CD59: variants seen among roughly 807,000 people sequenced by gnomAD.
CD59 encodes CD59 molecule (CD59 blood group).
Under a neutral mutation model 7.0 loss-of-function variants are expected in CD59, and 3 were observed. That is an observed-to-expected ratio of 0.43 (90% CI 0.19 to 1.10). The LOEUF is 1.10. Ranked by LOEUF, CD59 falls within the 50% of genes least tolerant of loss-of-function variation. CD59 has a pLI of 0.29. For missense variants in CD59, 143 were observed against 151.0 expected, an observed-to-expected ratio of 0.95 and a Z score of 0.28; for synonymous variants, 60 against 62.0, an observed-to-expected ratio of 0.97 and a Z score of 0.15.
chr11:33,719,836 G>A (rs999277956), intron 2 of CD59, among the ~76,000 whole-genome samples: 4 of 152,200 alleles, frequency 2.6e-5, no homozygotes, highest in Non-Finnish European at 4.4e-5. Context: ...TGTCATGCCC[G>A]TGTGAGAGGG....
chr11:33,706,582 A>C lies in CD59; in HGVS notation c.*3544T>G, dbSNP rs1158533279. The C allele has an allele frequency of 1.3e-5, 2 of 151,576 alleles. No homozygotes were observed. The highest frequency in any genetic ancestry group is 4.8e-5 in the African/African-American group (2 of 41,306). The allele number at this position is 151,576 out of a possible 1,614,324, so 9.4% of individuals were successfully genotyped here. On this transcript the variant is annotated 3_prime_UTR_variant, in exon 4 of 4. Transcript: ENST00000642928. ...AAAAAAAAAAAAAAAACTTGTCCAG[A>C]GACATAGCCAATTAGTGGAAGAGGG...
chr11:33,726,391 CA>C (rs1854260941), intron 1 of CD59, among the ~76,000 whole-genome samples: 1 of 152,182 alleles, frequency 6.6e-6, no homozygotes, highest in Non-Finnish European at 1.5e-5. Flanking sequence ...CAAAACCGCA[CA>C]ACTACATGGA....
intron 1 of CD59, among the ~76,000 whole-genome samples, chr11:33,729,697 G>A (rs974398113): frequency 4.2e-5 from 6 of 144,440 alleles, no homozygotes; most frequent in African/African-American, 8.0e-5. Context: ...CCGTATCTCC[G>A]AGAAAAAAAA....
At chr11:33,723,336 C>T (rs1340161281) in intron 1 of CD59, among the ~76,000 whole-genome samples, 1 of 152,154 alleles carries the variant, frequency 6.6e-6, no homozygotes, top group Non-Finnish European at 1.5e-5. Flanking sequence ...GTCAGAAATG[C>T]AGAGTTCCCT....
intron 2 of CD59, 64 bp downstream of exon 2, chr11:33,722,315 G>C (rs1564975440): frequency 4.2e-6 from 5 of 1,204,494 alleles, no homozygotes; most frequent in Non-Finnish European, 6.2e-6. Flanking sequence ...CTGAAACTGA[G>C]GCTTAAGAAG....
Position 33,722,371 on chromosome 11 carries a change from G to A in CD59, c.67+8C>T. On this transcript the variant is annotated splice_region_variant and intron_variant, in intron 2 of 3. Transcript: ENST00000642928. Reference sequence around the variant, plus strand: ...CCTAGATCCATGTCCTGAGACTGGAGCACTCACCTGAATGGCAGAAGACAG... The same window carrying A: ...CCTAGATCCATGTCCTGAGACTGGAACACTCACCTGAATGGCAGAAGACAG... 1.3e-6 allele frequency: 2 copies of A among 1,598,376 alleles called. No individual in the cohort carries two copies. Among genetic ancestry groups the A allele is most frequent in the Non-Finnish European group, 1.7e-6 (2 of 1,165,620 alleles).
chr11:33,713,586 A>G (rs2133533698), intron 3 of CD59, among the ~76,000 whole-genome samples: 1 of 152,358 alleles, frequency 6.6e-6, no homozygotes, highest in South Asian at 2.1e-4. Context: ...ATATTGTACT[A>G]GAGGCTGCTG....
chr11:33,722,633 T>TG (rs1174750153), intron 1 of CD59, 170 bp from the exon 2 acceptor site: 48 of 1,466,336 alleles, frequency 3.3e-5, no homozygotes, highest in Non-Finnish European at 4.4e-5. Flanking sequence ...CAGCACCATA[T>TG]ACCCTTGAGT....
rs749566382 is a variant in CD59, at chr11:33,710,361, CA to C, written c.170-19del. On this transcript the variant is annotated intron_variant, in intron 3 of 3. Transcript: ENST00000642928. ...TTGTAACCCTGTGGGGAGACACACA[CA>C]AGGGTAAGAAAGTAAGTGGGAAGAG... The C allele has an allele frequency of 3.8e-6, 6 of 1,588,382 alleles. No individual in the cohort carries two copies. The highest frequency in any genetic ancestry group is 5.2e-6 in the Non-Finnish European group (6 of 1,156,468).
At chr11:33,713,610 G>A (rs899754621) in intron 3 of CD59, among the ~76,000 whole-genome samples, 3 of 152,180 alleles carry the variant, frequency 2.0e-5, no homozygotes, top group African/African-American at 7.2e-5. Context: ...ATTCAGACAA[G>A]TTACTGCTTT....
At position 33,705,574 on chromosome 11, in the gene CD59, G is replaced by A. The variant is rs993932576; in HGVS notation, c.*4552C>T. On this transcript the variant is annotated 3_prime_UTR_variant, in exon 4 of 4. Transcript: ENST00000642928. ...AGTGGGTTGGTTGCCAGGGGCTCTT[G>A]GGCCTTTGGCCACAGACTGAAGGCT... The A allele has an allele frequency of 6.6e-6, 1 of 152,242 alleles. No homozygotes were observed. The highest frequency in any genetic ancestry group is 2.4e-5 in the African/African-American group (1 of 41,410). 9.4% of individuals were successfully genotyped at this position (152,242 alleles called of 1,614,324 possible). A position where few individuals can be genotyped will look rare whatever the true frequency, so the allele number is the denominator to read the frequency against.
intron 3 of CD59, among the ~76,000 whole-genome samples, chr11:33,716,572 C>A (rs1007131041): frequency 6.6e-6 from 1 of 152,228 alleles, no homozygotes; most frequent in Admixed American, 6.5e-5. Context: ...CAGAACCACA[C>A]CCCAGCAAGA....
chr11:33,706,351 G>C lies in CD59; in HGVS notation c.*3775C>G, dbSNP rs971287872. ...AAGTAATTTGAAAAAGAGACTTCTG[G>C]CTAGTTTTCACTTATGTCCAAGTCA... On this transcript the variant is annotated 3_prime_UTR_variant, in exon 4 of 4. Coordinates refer to ENST00000642928, the MANE Select transcript of CD59 (RefSeq NM_000611.6). The C allele has an allele frequency of 6.6e-6, 1 of 152,090 alleles. No homozygotes were observed. Among genetic ancestry groups the C allele is most frequent in the African/African-American group, 2.4e-5 (1 of 41,406 alleles). The allele number at this position is 152,090 out of a possible 1,614,324, so 9.4% of individuals were successfully genotyped here.
chr11:33,735,257 G>A (rs896991931), intron 1 of CD59, among the ~76,000 whole-genome samples: 2 of 152,298 alleles, frequency 1.3e-5, no homozygotes, highest in Non-Finnish European at 2.9e-5. Flanking sequence ...AGCAGCCGCC[G>A]CGTTTGTGCT....
At chr11:33,732,209 T>A (rs1050051500) in intron 1 of CD59, among the ~76,000 whole-genome samples, 8 of 151,900 alleles carry the variant, frequency 5.3e-5, no homozygotes, top group Non-Finnish European at 1.0e-4. Flanking sequence ...GAAAATGGAC[T>A]AATACACCTC....
At chr11:33,728,892 G>A (rs1854333626) in intron 1 of CD59, among the ~76,000 whole-genome samples, 1 of 152,230 alleles carries the variant, frequency 6.6e-6, no homozygotes, top group Admixed American at 6.5e-5. Context: ...AGACATTTAT[G>A]CAGCCAACAA....
At position 33,705,313 on chromosome 11, in the gene CD59, T is replaced by G. The variant is rs1853266256; in HGVS notation, c.*4813A>C. 1 of 152,248 alleles carries G rather than the reference T, an allele frequency of 6.6e-6. No homozygotes were observed. The highest frequency in any genetic ancestry group is 2.4e-5 in the African/African-American group (1 of 41,466). 9.4% of individuals were successfully genotyped at this position (152,248 alleles called of 1,614,324 possible). Reference sequence around the variant, plus strand: ...TTACACTGAGAATTTATTGGAGGGCTTTGAGACAGCTCATGTAATGGAAAG... The same window carrying G: ...TTACACTGAGAATTTATTGGAGGGCGTTGAGACAGCTCATGTAATGGAAAG... On this transcript the variant is annotated 3_prime_UTR_variant, in exon 4 of 4. Transcript: ENST00000642928.
At chr11:33,735,912 T>TC (rs1268105535) in intron 1 of CD59, among the ~76,000 whole-genome samples, 12 of 120,944 alleles carry the variant, frequency 9.9e-5, no homozygotes, top group Non-Finnish European at 1.0e-4. Flanking sequence ...AAACTCCATC[T>TC]CAAAAAAAAA....
At chr11:33,734,148 C>T (rs3181271) in intron 1 of CD59, among the ~76,000 whole-genome samples, 3,836 of 152,304 alleles carry the variant, frequency 0.025, 162 homozygotes, top group African/African-American at 0.087. Flanking sequence ...ACAATACCTG[C>T]TCTAGCCATG....
Sources: allele counts gnomAD v4.1 joint callset (sites outside exome capture counted in the v4.1 genomes callset), GRCh38; gene constraint gnomAD v4.1.1; transcripts MANE v1.5; gene names NCBI Gene and HGNC (gene_info 2026-07-23, HGNC 2026-07-21).